Variants in KCNH1 observed in about 807,000 individuals in gnomAD.
The protein encoded by KCNH1 is voltage-gated delayed rectifier potassium channel KCNH1.
KCNH1 carries 27 observed loss-of-function variants against 69.2 expected under a neutral mutation model. That is an observed-to-expected ratio of 0.39 (90% CI 0.29 to 0.54). KCNH1 has a LOEUF of 0.54. Among genes scored for constraint, KCNH1 ranks in the 20% least tolerant of loss-of-function variants. The probability of loss-of-function intolerance (pLI) is 0.68; values close to 1 mark genes in which losing one functional copy is unlikely to be tolerated. For missense variants in KCNH1, 798 were observed against 1,261.6 expected, an observed-to-expected ratio of 0.63 and a Z score of 5.57; for synonymous variants, 456 against 487.7, an observed-to-expected ratio of 0.93 and a Z score of 0.86.
chr1:210,756,626 TGAAAAGTTTGAGGAGCC>T (rs1471781896), intron 10 of KCNH1, among the ~76,000 whole-genome samples: 1 of 152,126 alleles, frequency 6.6e-6, no homozygotes, highest in Non-Finnish European at 1.5e-5. Context: ...GCCTGGGAAG[TGAAAAGTTTGAGGAGCC>T]ACTGGGACTC....
intron 6 of KCNH1, among the ~76,000 whole-genome samples, chr1:210,980,033 T>C (rs1688681975): frequency 6.6e-6 from 1 of 152,232 alleles, no homozygotes; most frequent in Non-Finnish European, 1.5e-5. Context: ...ATTATTAACA[T>C]GTCACAAAAT....
intron 10 of KCNH1, among the ~76,000 whole-genome samples, chr1:210,709,677 AAGAG>A (rs1242855792): frequency 2.0e-5 from 3 of 151,708 alleles, no homozygotes; most frequent in African/African-American, 7.3e-5. Context: ...GACGGAAAGA[AAGAG>A]AGATATACAA....
At chr1:210,924,843 C>T (rs1687535552) in intron 6 of KCNH1, among the ~76,000 whole-genome samples, 1 of 151,650 alleles carries the variant, frequency 6.6e-6, no homozygotes, top group Admixed American at 6.6e-5. Flanking sequence ...ACTGCTTCCA[C>T]TAACAACTGT....
chr1:210,793,692 G>T (rs1345168216), intron 9 of KCNH1, among the ~76,000 whole-genome samples: 1 of 152,174 alleles, frequency 6.6e-6, no homozygotes, highest in Non-Finnish European at 1.5e-5. Context: ...GATAATAAGA[G>T]AACAAAGAGC....
intron 7 of KCNH1, among the ~76,000 whole-genome samples, chr1:210,874,242 A>C (rs1686316008): frequency 1.3e-5 from 2 of 152,348 alleles, no homozygotes; most frequent in South Asian, 4.1e-4. Flanking sequence ...AAGAAACCTG[A>C]TGCTGTCTTT....
At chr1:211,048,516 A>G (rs1268764172) in intron 5 of KCNH1, among the ~76,000 whole-genome samples, 1 of 152,216 alleles carries the variant, frequency 6.6e-6, no homozygotes, top group Non-Finnish European at 1.5e-5. Flanking sequence ...ACTCAGCCAT[A>G]AAAAGGAACC....
intron 6 of KCNH1, among the ~76,000 whole-genome samples, chr1:211,015,125 C>A (rs1023668310): frequency 6.6e-6 from 1 of 152,168 alleles, no homozygotes; most frequent in Non-Finnish European, 1.5e-5. Context: ...CCATGTCATC[C>A]CCAACACAGA....
intron 6 of KCNH1, among the ~76,000 whole-genome samples, chr1:210,950,692 C>T (rs928903662): frequency 2.6e-5 from 4 of 152,134 alleles, no homozygotes; most frequent in Non-Finnish European, 5.9e-5. Flanking sequence ...TCAACAAGGG[C>T]TCCAGAATGT....
intron 10 of KCNH1, among the ~76,000 whole-genome samples, chr1:210,746,361 A>C (rs1463079665): frequency 1.3e-5 from 2 of 152,140 alleles, no homozygotes; most frequent in African/African-American, 4.8e-5. Context: ...ATGAGGAAAT[A>C]GAGGCTCTGG....
intron 6 of KCNH1, among the ~76,000 whole-genome samples, chr1:210,975,582 C>T (rs539068982): frequency 1.6e-4 from 25 of 152,248 alleles, no homozygotes; most frequent in Non-Finnish European, 3.1e-4. Flanking sequence ...TTCCTTACAC[C>T]TTATACAACA....
chr1:210,835,326 C>T (rs776885801), intron 7 of KCNH1, among the ~76,000 whole-genome samples: 3 of 152,082 alleles, frequency 2.0e-5, no homozygotes, highest in Non-Finnish European at 4.4e-5. Flanking sequence ...GTATAAAGGC[C>T]ATTAAATATG....
chr1:210,766,563 G>A (rs1660814185), intron 10 of KCNH1, among the ~76,000 whole-genome samples: 2 of 152,146 alleles, frequency 1.3e-5, no homozygotes, highest in African/African-American at 2.4e-5. Context: ...ACAAAGAGGT[G>A]ATTGTTGCTA....
chr1:210,987,245 G>A (rs777365630), intron 6 of KCNH1, among the ~76,000 whole-genome samples: 18 of 152,162 alleles, frequency 1.2e-4, no homozygotes, highest in African/African-American at 2.9e-4. Context: ...CCTTTAGCTC[G>A]GAGTAGTTTG....
At chr1:210,714,719 A>T (rs1682178354) in intron 10 of KCNH1, among the ~76,000 whole-genome samples, 1 of 152,188 alleles carries the variant, frequency 6.6e-6, no homozygotes, top group Non-Finnish European at 1.5e-5. Context: ...CTTCAAAGGA[A>T]GGCAGTCTAT....
At chr1:211,064,331 C>T (rs1329685669) in intron 5 of KCNH1, among the ~76,000 whole-genome samples, 3 of 152,148 alleles carry the variant, frequency 2.0e-5, no homozygotes, top group Non-Finnish European at 1.5e-5. Context: ...GAGGCCAAGG[C>T]GGGTGGATCA....
intron 7 of KCNH1, among the ~76,000 whole-genome samples, chr1:210,865,941 T>C (rs897604473): frequency 2.0e-5 from 3 of 152,086 alleles, no homozygotes; most frequent in Non-Finnish European, 2.9e-5. Flanking sequence ...CCAGGCTAAA[T>C]GTGGGTCAAA....
intron 3 of KCNH1, among the ~76,000 whole-genome samples, chr1:211,103,259 C>T (rs903149238): frequency 3.3e-5 from 5 of 152,164 alleles, no homozygotes; most frequent in African/African-American, 1.2e-4. Flanking sequence ...GTCTCAGCAA[C>T]AACAATATAG....
At chr1:210,966,347 C>T (rs1392244779) in intron 6 of KCNH1, among the ~76,000 whole-genome samples, 1 of 152,108 alleles carries the variant, frequency 6.6e-6, no homozygotes, top group Non-Finnish European at 1.5e-5. Context: ...GACTAAAACA[C>T]CAAAAGCAAT....
intron 7 of KCNH1, among the ~76,000 whole-genome samples, chr1:210,917,363 GAGATC>G (rs1390449092): frequency 6.6e-6 from 1 of 151,988 alleles, no homozygotes; most frequent in African/African-American, 2.4e-5. Context: ...GAGAGAGAGA[GAGATC>G]ACCTGACTCT....
Sources: gnomAD v4.1 joint callset for allele counts (sites outside exome capture counted in the v4.1 genomes callset) on GRCh38, gnomAD v4.1.1 for gene constraint, MANE v1.5 for transcripts, NCBI Gene and HGNC (gene_info 2026-07-23, HGNC 2026-07-21) for gene names.